CXCL12: variants seen among roughly 807,000 people sequenced by gnomAD.
The protein encoded by CXCL12 is C-X-C motif chemokine ligand 12.
CXCL12 carries 4 observed loss-of-function variants against 10.7 expected under a neutral mutation model. The observed-to-expected ratio is 0.37, with a 90% CI of 0.18 to 0.86. CXCL12 has a LOEUF of 0.86. Among genes scored for constraint, CXCL12 ranks in the 40% least tolerant of loss-of-function variants. The probability of loss-of-function intolerance (pLI) is 0.43; values close to 1 mark genes in which losing one functional copy is unlikely to be tolerated. For synonymous variants in CXCL12, 54 were observed against 45.4 expected, an observed-to-expected ratio of 1.19 and a Z score of -0.77; for missense variants, 122 against 110.4, an observed-to-expected ratio of 1.10 and a Z score of -0.47.
chr10:44,373,262 C>A, downstream of CXCL12: 1 of 1,577,608 alleles, frequency 6.3e-7, no homozygotes, highest in Non-Finnish European at 8.6e-7. Context: ...CTGTGGCAGG[C>A]CCTTCCCTAA....
chr10:44,378,631 GCTTA>G lies in CXCL12; in HGVS notation c.268_*1del. On this transcript the variant is annotated stop_lost and 3_prime_UTR_variant, in exon 3 of 3. Transcript: ENST00000343575. ...GCGGAAAGTCCTTTTTGGCTGTTGT[GCTTA>G]CTTGTTTAAAGCTTTCTCCAGGTAC... The G allele has an allele frequency of 6.2e-7, 1 of 1,614,114 alleles. No individual in the cohort carries two copies. Among genetic ancestry groups the G allele is most frequent in the East Asian group, 2.2e-5 (1 of 44,878 alleles).
chr10:44,370,840 A>G (rs1465701714), exon 4 of CXCL12: 1 of 152,384 alleles, frequency 6.6e-6, no homozygotes, highest in East Asian at 1.9e-4. Flanking sequence ...GTGCCTGGAC[A>G]GAGGGGGACA....
At chr10:44,372,518 G>A, downstream of CXCL12, 1 of 626,182 alleles carries the variant, frequency 1.6e-6, no homozygotes, top group South Asian at 4.3e-5. Flanking sequence ...TTGGACAATG[G>A]ACAATATTCC....
At chr10:44,371,941 C>G (rs1045211098), downstream of CXCL12, 2 of 152,194 alleles carry the variant, frequency 1.3e-5, no homozygotes, top group Non-Finnish European at 2.9e-5. Flanking sequence ...GGGAACACTC[C>G]AAATGTCAGG....
In CXCL12 at chr10:44,380,538, C is replaced by T. The variant is rs1418687085; in HGVS notation, c.179+225G>A. On this transcript the variant is annotated intron_variant, in intron 2 of 2. Coordinates refer to ENST00000343575, the MANE Select transcript of CXCL12 (RefSeq NM_199168.4). ...CAGGTTTGGAAAGAAGAGAGAACTA[C>T]TACGAGCACAGCAGGGTGCCCAGGC... 14 of 541,764 alleles carry T rather than the reference C, an allele frequency of 2.6e-5. No homozygotes were observed. The Admixed American group carries it at 3.7e-4, about 14-fold the overall frequency. 33.6% of individuals were successfully genotyped at this position (541,764 alleles called of 1,614,324 possible). A position where few individuals can be genotyped will look rare whatever the true frequency, so the allele number is the denominator to read the frequency against.
chr10:44,379,125 G>C (rs1373249363), intron 2 of CXCL12, among the ~76,000 whole-genome samples: 1 of 152,068 alleles, frequency 6.6e-6, no homozygotes, highest in African/African-American at 2.4e-5. Flanking sequence ...TAGGTACCTG[G>C]GGAGGGGAGA....
chr10:44,373,952 C>A (rs1163050719), downstream of CXCL12, among the ~76,000 whole-genome samples: 1 of 152,170 alleles, frequency 6.6e-6, no homozygotes, highest in Non-Finnish European at 1.5e-5. Flanking sequence ...TAGTTTCAAC[C>A]CACCAGGAAT....
chr10:44,373,966 G>A (rs17879134), downstream of CXCL12, among the ~76,000 whole-genome samples: 3 of 152,258 alleles, frequency 2.0e-5, no homozygotes, highest in Non-Finnish European at 4.4e-5. Flanking sequence ...CAGGAATCCC[G>A]GTCAGGCTCT....
At chr10:44,372,473 AGAG>A (rs1839337518), downstream of CXCL12, 1 of 301,396 alleles carries the variant, frequency 3.3e-6, no homozygotes, top group South Asian at 7.4e-5. Flanking sequence ...CATTGGTCAC[AGAG>A]GAGGACGCTG....
At chr10:44,370,290 C>G (rs1202574328) in exon 4 of CXCL12, 1 of 152,556 alleles carries the variant, frequency 6.6e-6, no homozygotes, top group Non-Finnish European at 1.5e-5. Context: ...TTAAAGCACG[C>G]TGCGTATAGG....
chr10:44,382,666 A>C (rs17879548), intron 1 of CXCL12, among the ~76,000 whole-genome samples: 1 of 152,022 alleles, frequency 6.6e-6, no homozygotes, highest in Non-Finnish European at 1.5e-5. Context: ...TTCAGAGCTC[A>C]ACACACAGGC....
Position 44,378,072 on chromosome 10 carries a change from C to T in CXCL12, c.*561G>A. The T allele has an allele frequency of 9.6e-6, 14 of 1,458,984 alleles. No individual in the cohort carries two copies. The highest frequency in any genetic ancestry group is 2.8e-5 in the South Asian group (2 of 70,258). 90.4% of individuals were successfully genotyped at this position (1,458,984 alleles called of 1,614,324 possible). A position where few individuals can be genotyped will look rare whatever the true frequency, so the allele number is the denominator to read the frequency against. ...TTGAAAGAGGAGGTGAAGGCAGTGG[C>T]GGCGCCCAGCCCCAGTCGGTATCTG... On this transcript the variant is annotated 3_prime_UTR_variant, in exon 3 of 3. Coordinates refer to ENST00000343575, the MANE Select transcript of CXCL12 (RefSeq NM_199168.4).
Position 44,380,900 on chromosome 10 carries a change from C to G in CXCL12, c.62-20G>C, listed in dbSNP as rs760549762. ...GCTTCCCTAGAAGAGGTAAGGACAA[C>G]AAGGCACTTTACTACCCTGCCAGAT... is the stretch of plus-strand genomic sequence containing the variant. On this transcript the variant is annotated intron_variant, in intron 1 of 2. Coordinates refer to ENST00000343575, the MANE Select transcript of CXCL12 (RefSeq NM_199168.4). 2 of 1,606,508 alleles carry G rather than the reference C, an allele frequency of 1.2e-6. No individual in the cohort carries two copies. The highest frequency in any genetic ancestry group is 1.7e-5 in the Admixed American group (1 of 60,012).
At chr10:44,384,243 A>T (rs897174130) in intron 1 of CXCL12, among the ~76,000 whole-genome samples, 1 of 151,880 alleles carries the variant, frequency 6.6e-6, no homozygotes, top group Admixed American at 6.5e-5. Context: ...TCTCAGGTGA[A>T]CCCGAGAAGA....
At chr10:44,375,341 C>G (rs1189137462), downstream of CXCL12, among the ~76,000 whole-genome samples, 1 of 152,232 alleles carries the variant, frequency 6.6e-6, no homozygotes, top group Non-Finnish European at 1.5e-5. Context: ...CTGAAGAAGC[C>G]CCTTCCCAGG....
chr10:44,379,540 C>T (rs897608670), intron 2 of CXCL12, among the ~76,000 whole-genome samples: 2 of 152,154 alleles, frequency 1.3e-5, no homozygotes, highest in Non-Finnish European at 2.9e-5. Flanking sequence ...GGTTCAGGGG[C>T]ACCCAGGGAG....
At position 44,380,994 on chromosome 10, in the gene CXCL12, G is replaced by A. The variant is rs1839614244; in HGVS notation, c.62-114C>T. On this transcript the variant is annotated intron_variant, in intron 1 of 2. Coordinates refer to ENST00000343575, the MANE Select transcript of CXCL12 (RefSeq NM_199168.4). The stretch of plus-strand genomic sequence containing the variant: ...AAGGATCAAGAGACGGCATCACTGG[G>A]GTAAGTTCCAGGTTACTGGTGTATG... 22 of 863,250 alleles carry A rather than the reference G, an allele frequency of 2.5e-5. No individual in the cohort carries two copies. In the South Asian group the frequency reaches 2.6e-4, roughly 10 times the overall value. 53.5% of individuals were successfully genotyped at this position (863,250 alleles called of 1,614,324 possible).
downstream of CXCL12, chr10:44,375,908 G>C (rs1350293354): frequency 6.2e-7 from 1 of 1,609,872 alleles, no homozygotes; most frequent in African/African-American, 1.3e-5. Flanking sequence ...GAGAGCAAGT[G>C]AACTGTGGTC....
chr10:44,378,587 T>C lies in CXCL12; in HGVS notation c.*46A>G, dbSNP rs1163966654. 1 of 1,613,416 alleles carries C rather than the reference T, an allele frequency of 6.2e-7. No homozygotes were observed. ...CCTTTCATCTCTCACAAGGTTTTAG[T>C]TTTCCTCGAGTGGGTCTAGCGGAAA... On this transcript the variant is annotated 3_prime_UTR_variant, in exon 3 of 3. Transcript: ENST00000343575.
Sources: allele counts gnomAD v4.1 joint callset (sites outside exome capture counted in the v4.1 genomes callset), GRCh38; gene constraint gnomAD v4.1.1; transcripts MANE v1.5; gene names NCBI Gene and HGNC (gene_info 2026-07-23, HGNC 2026-07-21).